Variants in THSD4 observed in about 807,000 individuals in gnomAD.
THSD4 encodes thrombospondin type 1 domain containing 4.
Under a neutral mutation model 119.0 loss-of-function variants are expected in THSD4, and 69 were observed. The observed-to-expected ratio is 0.58, with a 90% CI of 0.48 to 0.71. THSD4 has a LOEUF of 0.71. THSD4 is among the 30% of genes least tolerant of loss of function. The pLI is 0.00. For synonymous variants in THSD4, 524 were observed against 540.4 expected, an observed-to-expected ratio of 0.97 and a Z score of 0.42; for missense variants, 1,393 against 1,391.1, an observed-to-expected ratio of 1.00 and a Z score of -0.02.
chr15:71,583,478 T>C (rs183595096), intron 7 of THSD4, among the ~76,000 whole-genome samples: 1 of 152,074 alleles, frequency 6.6e-6, no homozygotes, highest in East Asian at 1.9e-4. Flanking sequence ...TCCTAGTTCT[T>C]TGAGGAGCTA....
chr15:71,122,658 C>T (rs1331837086), intron 1 of THSD4, among the ~76,000 whole-genome samples: 1 of 152,132 alleles, frequency 6.6e-6, no homozygotes, highest in East Asian at 1.9e-4. Flanking sequence ...TCAACATTTC[C>T]CACTTGCCAC....
chr15:71,332,741 A>G (rs2045438400), intron 6 of THSD4, among the ~76,000 whole-genome samples: 1 of 152,064 alleles, frequency 6.6e-6, no homozygotes, highest in Non-Finnish European at 1.5e-5. Context: ...TGATATGCAG[A>G]GAGTACTCGC....
chr15:71,115,235 C>A, upstream of THSD4: 1 of 152,970 alleles, frequency 6.5e-6, no homozygotes, highest in Non-Finnish European at 1.5e-5. The surrounding 1 kb of genome is among the most constrained non-coding windows in gnomAD (Gnocchi z 4.4). Context: ...CACTCTCGCC[C>A]CCTCCCGCCC....
chr15:71,124,902 G>C (rs1012480144), intron 1 of THSD4, among the ~76,000 whole-genome samples: 2 of 151,990 alleles, frequency 1.3e-5, no homozygotes, highest in South Asian at 2.1e-4. Context: ...TATTAGCCAG[G>C]CATGGTGGTG....
At chr15:71,616,038 C>G (rs2050313424) in intron 7 of THSD4, among the ~76,000 whole-genome samples, 1 of 152,122 alleles carries the variant, frequency 6.6e-6, no homozygotes, top group South Asian at 2.1e-4. Flanking sequence ...AGGATAGACA[C>G]ACAGTACAAA....
intron 7 of THSD4, among the ~76,000 whole-genome samples, chr15:71,618,774 C>T (rs921640562): frequency 1.3e-5 from 2 of 152,050 alleles, no homozygotes; most frequent in Non-Finnish European, 2.9e-5. Context: ...GACAGGGTCT[C>T]GCCATGTTGC....
At chr15:71,105,988 G>T (rs909051515) in intron 1 of THSD4, among the ~76,000 whole-genome samples, 2 of 152,176 alleles carry the variant, frequency 1.3e-5, no homozygotes, top group Non-Finnish European at 2.9e-5. Context: ...AGAGGGTTTG[G>T]GGGGTGGGAC....
chr15:71,686,595 A>G (rs921721131), intron 8 of THSD4, among the ~76,000 whole-genome samples: 3 of 152,128 alleles, frequency 2.0e-5, no homozygotes, highest in Non-Finnish European at 4.4e-5. Flanking sequence ...CACAAACACC[A>G]TATTGCTAAG....
At chr15:71,229,141 A>T (rs905151990) in intron 4 of THSD4, among the ~76,000 whole-genome samples, 6 of 152,180 alleles carry the variant, frequency 3.9e-5, no homozygotes, top group Admixed American at 1.3e-4. Context: ...TCATTCAGTC[A>T]CATTTGTTAA....
intron 6 of THSD4, among the ~76,000 whole-genome samples, chr15:71,370,979 T>A (rs1566958528): frequency 1.3e-5 from 2 of 152,208 alleles, no homozygotes; most frequent in Non-Finnish European, 2.9e-5. Context: ...TGGGTGCATA[T>A]ATATTTAGGG....
intron 6 of THSD4, among the ~76,000 whole-genome samples, chr15:71,406,847 T>G (rs1006450566): frequency 4.0e-5 from 6 of 151,600 alleles, no homozygotes; most frequent in Admixed American, 2.0e-4. Context: ...GCCCGGCTAA[T>G]TTTTGTATTT....
intron 1 of THSD4, among the ~76,000 whole-genome samples, chr15:71,133,590 T>C (rs2040522838): frequency 6.6e-6 from 1 of 152,136 alleles, no homozygotes; most frequent in Non-Finnish European, 1.5e-5. Context: ...TTTAACCAGG[T>C]TAATCAAGTG....
intron 7 of THSD4, among the ~76,000 whole-genome samples, chr15:71,427,442 T>G (rs1262318222): frequency 2.6e-5 from 4 of 151,600 alleles, no homozygotes; most frequent in Non-Finnish European, 5.9e-5. Context: ...CGCTGTGAAG[T>G]TAACTGGGTA....
chr15:71,239,322 G>C lies in THSD4; in HGVS notation c.465-3327G>C, dbSNP rs1016401304. Among the ~76,000 whole-genome samples the C allele has an allele frequency of 2.0e-5, 3 of 152,240 alleles. No homozygotes were observed. In the East Asian group the frequency reaches 5.8e-4, roughly 29 times the overall value. On this transcript the variant is annotated intron_variant, in intron 4 of 17. Transcript: ENST00000261862. ...TACCAGCACTTCCACGACCCTGACT[G>C]TTATCTCCTTAAATATTGCATCCTA...
chr15:71,441,480 G>GT (rs1446277995), intron 7 of THSD4, among the ~76,000 whole-genome samples: 30 of 94,456 alleles, frequency 3.2e-4, no homozygotes, highest in African/African-American at 6.8e-4. Flanking sequence ...TGCCCCCTGG[G>GT]GTTTTTTTTT....
chr15:71,191,821 C>T (rs1447613977), intron 3 of THSD4, among the ~76,000 whole-genome samples: 1 of 152,106 alleles, frequency 6.6e-6, no homozygotes, highest in East Asian at 1.9e-4. Flanking sequence ...TTTTCCTCCT[C>T]TATATTTTTG....
rs535467052 is a variant in THSD4, at chr15:71,575,108, G to A, written c.1153-85422G>A. Among the ~76,000 whole-genome samples, 18 of 152,158 alleles carry A rather than the reference G, an allele frequency of 1.2e-4. No homozygotes were observed. The East Asian group carries it at 3.5e-3, about 29-fold the overall frequency. The stretch of plus-strand genomic sequence containing the variant: ...GCATTGTTCATTTTACTGCACCATG[G>A]GAGAGATTACTCTCTTGTCTCAGCA... On this transcript the variant is annotated intron_variant, in intron 7 of 17. Coordinates refer to ENST00000261862, the MANE Select transcript of THSD4 (RefSeq NM_024817.3).
intron 6 of THSD4, among the ~76,000 whole-genome samples, chr15:71,321,748 TCAGA>T (rs1000312426): frequency 7.2e-5 from 11 of 152,236 alleles, no homozygotes; most frequent in Admixed American, 3.9e-4. Flanking sequence ...TGCTGTAACA[TCAGA>T]CAATTTTTTT....
At chr15:71,342,289 C>T (rs1224593202) in intron 6 of THSD4, 1 of 171,076 alleles carries the variant, frequency 5.8e-6, no homozygotes, top group Non-Finnish European at 1.3e-5. Flanking sequence ...GAGACTGCCA[C>T]GGGGAGTGCA....
Sources: allele counts gnomAD v4.1 joint callset (sites outside exome capture counted in the v4.1 genomes callset), GRCh38; gene constraint gnomAD v4.1.1; non-coding constraint Gnocchi (gnomAD v3.1); transcripts MANE v1.5; gene names NCBI Gene and HGNC (gene_info 2026-07-23, HGNC 2026-07-21).